DAB1: variants seen among roughly 807,000 people sequenced by gnomAD.
DAB1 encodes DAB adaptor protein 1.
Under a neutral mutation model 64.6 loss-of-function variants are expected in DAB1, and 15 were observed. The ratio of observed to expected loss-of-function variants is 0.23; its 90% CI spans 0.16 to 0.36. The LOEUF (loss-of-function observed/expected upper bound fraction) is 0.36, where lower values mean the gene tolerates loss of function less well. DAB1 is among the 10% of genes least tolerant of loss of function. DAB1 has a pLI of 1.00. For synonymous variants in DAB1, 235 were observed against 251.9 expected (o/e 0.93, Z 0.64); for missense variants, 596 against 706.7 (o/e 0.84, Z 1.78).
chr1:57,920,969 G>A (rs930698326), intron 5 of DAB1, among the ~76,000 whole-genome samples: 3 of 151,956 alleles, frequency 2.0e-5, no homozygotes, highest in Admixed American at 6.5e-5. Flanking sequence ...CTACTTCCAC[G>A]TGTGTATAAT....
At chr1:57,288,216 C>A (rs183594761) in intron 2 of DAB1, among the ~76,000 whole-genome samples, 1 of 152,060 alleles carries the variant, frequency 6.6e-6, no homozygotes, top group Non-Finnish European at 1.5e-5. Flanking sequence ...GACAAATTAG[C>A]TATATACTTT....
At chr1:57,205,995 T>C (rs1350881402) in intron 2 of DAB1, among the ~76,000 whole-genome samples, 1 of 152,208 alleles carries the variant, frequency 6.6e-6, no homozygotes, top group East Asian at 1.9e-4. Context: ...TCAATAAGCA[T>C]TTGTCCAATT....
At chr1:57,400,580 A>G (rs1191421738) in intron 1 of DAB1, among the ~76,000 whole-genome samples, 1 of 151,936 alleles carries the variant, frequency 6.6e-6, no homozygotes, top group East Asian at 1.9e-4. Flanking sequence ...ACAAGCCAGA[A>G]AAAGTATTTT....
chr1:57,105,090 C>G (rs1482123064), intron 4 of DAB1, among the ~76,000 whole-genome samples: 1 of 152,050 alleles, frequency 6.6e-6, no homozygotes, highest in African/African-American at 2.4e-5. Context: ...GTAGGAGACG[C>G]CAGCAGGTAA....
At chr1:58,329,836 G>A (rs1040433738) in intron 4 of DAB1, among the ~76,000 whole-genome samples, 10 of 152,050 alleles carry the variant, frequency 6.6e-5, no homozygotes, top group East Asian at 1.9e-4. Flanking sequence ...ATAAATATGC[G>A]TATTCTGACT....
chr1:58,377,716 A>C (rs1280614027), intron 3 of DAB1, among the ~76,000 whole-genome samples: 1 of 138,584 alleles, frequency 7.2e-6, no homozygotes, highest in Non-Finnish European at 1.6e-5. Flanking sequence ...CCTGAATCTG[A>C]ACGTTGGCCT....
At chr1:58,125,441 C>CTT (rs56791592) in intron 5 of DAB1, among the ~76,000 whole-genome samples, 3 of 138,336 alleles carry the variant, frequency 2.2e-5, no homozygotes, top group African/African-American at 2.6e-5. Flanking sequence ...TCACTTGATA[C>CTT]TTTTTTTTTT....
intron 7 of DAB1, among the ~76,000 whole-genome samples, chr1:57,512,613 C>T (rs760831285): frequency 4.6e-5 from 7 of 152,166 alleles, no homozygotes; most frequent in South Asian, 2.1e-4. Flanking sequence ...TGAAACATGC[C>T]GGTGTTTGCT....
intron 6 of DAB1, among the ~76,000 whole-genome samples, chr1:57,816,761 C>A (rs968115456): frequency 1.3e-5 from 2 of 152,190 alleles, no homozygotes; most frequent in Non-Finnish European, 2.9e-5. Context: ...CAGGCTATCA[C>A]TCCTACGTCT....
chr1:57,266,710 A>G (rs1161157845), intron 2 of DAB1, among the ~76,000 whole-genome samples: 6 of 152,236 alleles, frequency 3.9e-5, no homozygotes, highest in Admixed American at 3.3e-4. Context: ...TAATAAATTA[A>G]TGAAATGAAT....
intron 9 of DAB1, among the ~76,000 whole-genome samples, chr1:57,030,361 C>T (rs1646929164): frequency 6.6e-6 from 1 of 152,192 alleles, no homozygotes; most frequent in African/African-American, 2.4e-5. Context: ...AGAGGCCCAA[C>T]CAGCTTTTGG....
chr1:58,261,691 C>A (rs1661052019), intron 4 of DAB1, among the ~76,000 whole-genome samples: 1 of 151,842 alleles, frequency 6.6e-6, no homozygotes, highest in Non-Finnish European at 1.5e-5. Flanking sequence ...AAAAGACAAG[C>A]TTTGAGATCA....
intron 7 of DAB1, among the ~76,000 whole-genome samples, chr1:57,475,228 TATC>T (rs1209955941): frequency 6.6e-6 from 1 of 152,000 alleles, no homozygotes; most frequent in African/African-American, 2.4e-5. Flanking sequence ...AGTGAGCTGA[TATC>T]ATGCCACTGC....
intron 2 of DAB1, among the ~76,000 whole-genome samples, chr1:57,261,827 T>C (rs1280731350): frequency 6.6e-6 from 1 of 152,188 alleles, no homozygotes; most frequent in Non-Finnish European, 1.5e-5. Flanking sequence ...TAATAATAAG[T>C]GAGCACTAAA....
intron 4 of DAB1, among the ~76,000 whole-genome samples, chr1:58,195,420 C>T (rs745825631): frequency 1.3e-5 from 2 of 151,908 alleles, no homozygotes; most frequent in South Asian, 4.2e-4. Context: ...GACAAAGTGA[C>T]ACAGAGAGGG....
At chr1:58,371,771 G>C (rs1312404652) in intron 3 of DAB1, among the ~76,000 whole-genome samples, 1 of 152,188 alleles carries the variant, frequency 6.6e-6, no homozygotes, top group East Asian at 1.9e-4. Flanking sequence ...GTTGCTAAAA[G>C]GGGCCAAGGT....
At chr1:57,090,337 A>C (rs1653532185) in intron 4 of DAB1, among the ~76,000 whole-genome samples, 1 of 152,160 alleles carries the variant, frequency 6.6e-6, no homozygotes, top group African/African-American at 2.4e-5. Flanking sequence ...AAGGATGAAA[A>C]TCCAGGGTAT....
chr1:57,659,998 T>TAAATAAAA (rs1646366915), intron 6 of DAB1, among the ~76,000 whole-genome samples: 1 of 142,572 alleles, frequency 7.0e-6, no homozygotes, highest in Non-Finnish European at 1.5e-5. Flanking sequence ...AATAAATAAA[T>TAAATAAAA]AAATAAATAA....
chr1:57,499,607 C>T (rs750935399), intron 7 of DAB1, among the ~76,000 whole-genome samples: 4 of 152,060 alleles, frequency 2.6e-5, no homozygotes, highest in African/African-American at 4.8e-5. Flanking sequence ...TTTCTAGATG[C>T]ATGTGATGAA....
Sources: allele counts gnomAD v4.1 joint callset (sites outside exome capture counted in the v4.1 genomes callset), GRCh38; gene constraint gnomAD v4.1.1; transcripts MANE v1.5; gene names NCBI Gene and HGNC (gene_info 2026-07-23, HGNC 2026-07-21).